Variants in NEK7 observed in about 807,000 individuals in gnomAD.
NEK7 encodes serine/threonine-protein kinase Nek7.
A neutral mutation model predicts 44.6 loss-of-function variants in NEK7; 18 were observed. The ratio of observed to expected loss-of-function variants is 0.40; its 90% CI spans 0.28 to 0.60. NEK7 has a LOEUF of 0.60. NEK7 is among the 20% of genes least tolerant of loss of function. The pLI, the probability that NEK7 is intolerant of heterozygous loss-of-function variation, is 0.38. For synonymous variants in NEK7, 130 were observed against 121.1 expected (o/e 1.07, Z -0.48); for missense variants, 256 against 366.5 (o/e 0.70, Z 2.46).
At chr1:198,198,297 A>AT in intron 1 of NEK7, 2 of 450,864 alleles carry the variant, frequency 4.4e-6, no homozygotes, top group Admixed American at 3.8e-5. Flanking sequence ...CTAGGTGAAA[A>AT]TGTAGGACAT....
intron 5 of NEK7, among the ~76,000 whole-genome samples, chr1:198,276,691 A>C (rs1297682726): frequency 1.3e-5 from 2 of 151,712 alleles, no homozygotes; most frequent in African/African-American, 2.4e-5. Flanking sequence ...ATTGCTAATA[A>C]ATTTATTTCT....
intron 2 of NEK7, among the ~76,000 whole-genome samples, chr1:198,252,243 T>G (rs1653034116): frequency 6.6e-6 from 1 of 152,014 alleles, no homozygotes; most frequent in African/African-American, 2.4e-5. Context: ...TGAGAGACAG[T>G]TTGTTATAAT....
chr1:198,282,006 C>T (rs1654214852), intron 7 of NEK7, among the ~76,000 whole-genome samples: 1 of 152,016 alleles, frequency 6.6e-6, no homozygotes, highest in Non-Finnish European at 1.5e-5. Context: ...TCTGATATTG[C>T]TGCATGTTCA....
intron 7 of NEK7, among the ~76,000 whole-genome samples, chr1:198,289,894 A>T (rs1236685393): frequency 6.6e-6 from 1 of 152,160 alleles, no homozygotes; most frequent in East Asian, 1.9e-4. Context: ...ACCATATAAA[A>T]CTTTTCTCAT....
At chr1:198,290,815 G>A (rs1478835700) in intron 7 of NEK7, among the ~76,000 whole-genome samples, 2 of 152,100 alleles carry the variant, frequency 1.3e-5, no homozygotes, top group African/African-American at 4.8e-5. Context: ...AAAGAGGCTT[G>A]TTATTTATAT....
chr1:198,166,425 C>T (rs1372493067), intron 1 of NEK7, among the ~76,000 whole-genome samples: 2 of 152,234 alleles, frequency 1.3e-5, no homozygotes, highest in Admixed American at 6.5e-5. Flanking sequence ...TTCTGAGCTA[C>T]TAGCTTCTGA....
intron 1 of NEK7, among the ~76,000 whole-genome samples, chr1:198,225,158 C>T (rs1333529341): frequency 6.7e-6 from 1 of 149,804 alleles, no homozygotes; most frequent in African/African-American, 2.5e-5. Context: ...GCCTGGACCA[C>T]ATAGTGAGAC....
At chr1:198,317,917 G>C in intron 9 of NEK7, among the ~76,000 whole-genome samples, 1 of 84,400 alleles carries the variant, frequency 1.2e-5, no homozygotes, top group African/African-American at 4.4e-5. Flanking sequence ...CTGGTAAAAT[G>C]CCAGTCTCTT....
chr1:198,197,448 A>G (rs760445835), intron 1 of NEK7, among the ~76,000 whole-genome samples: 3 of 152,264 alleles, frequency 2.0e-5, no homozygotes, highest in Non-Finnish European at 4.4e-5. Flanking sequence ...TCGAAGTGCA[A>G]CAAACAAATA....
In NEK7 at chr1:198,215,765, T is replaced by A. The variant is rs1665900651; in HGVS notation, c.-28-16788T>A. On this transcript the variant is annotated intron_variant, in intron 1 of 9. Coordinates refer to ENST00000367385, the MANE Select transcript of NEK7 (RefSeq NM_133494.3). Reference sequence around the variant, plus strand: ...AAGCGAGCAGGAATAGTTATTCTTATATCAGATAAAACTGTCTTTAAAGCA... The same window carrying A: ...AAGCGAGCAGGAATAGTTATTCTTAAATCAGATAAAACTGTCTTTAAAGCA... Among the ~76,000 whole-genome samples, 3 of 151,812 alleles carry A rather than the reference T, an allele frequency of 2.0e-5. No individual in the cohort carries two copies. The South Asian group carries it at 6.2e-4, about 32-fold the overall frequency.
intron 1 of NEK7, among the ~76,000 whole-genome samples, chr1:198,171,241 C>G (rs892678161): frequency 2.0e-5 from 3 of 151,942 alleles, no homozygotes; most frequent in Non-Finnish European, 2.9e-5. Flanking sequence ...TTTTTCCCTT[C>G]AGATTTAAAA....
intron 8 of NEK7, among the ~76,000 whole-genome samples, chr1:198,295,806 C>CTATTAT (rs35583566): frequency 0.016 from 2,359 of 146,414 alleles, 34 homozygotes; most frequent in Non-Finnish European, 0.022. Context: ...ACAAAAACCA[C>CTATTAT]TATTATTATT....
chr1:198,207,227 A>T (rs1453950750), intron 1 of NEK7: 1 of 152,160 alleles, frequency 6.6e-6, no homozygotes, highest in Non-Finnish European at 1.5e-5. Flanking sequence ...CAAAGAAGGT[A>T]TGTGATAACT....
chr1:198,281,113 C>T (rs1363448143), intron 7 of NEK7, among the ~76,000 whole-genome samples: 1 of 151,816 alleles, frequency 6.6e-6, no homozygotes, highest in Non-Finnish European at 1.5e-5. Flanking sequence ...CTTTGGACTC[C>T]ATAAAAATCC....
At chr1:198,224,740 A>G (rs576749176) in intron 1 of NEK7, among the ~76,000 whole-genome samples, 2 of 152,064 alleles carry the variant, frequency 1.3e-5, no homozygotes, top group East Asian at 3.9e-4. Flanking sequence ...CAAAATGGAG[A>G]TGGAGAATAT....
intron 9 of NEK7, among the ~76,000 whole-genome samples, chr1:198,311,937 A>T (rs1244996826): frequency 6.6e-6 from 1 of 152,146 alleles, no homozygotes; most frequent in Non-Finnish European, 1.5e-5. Flanking sequence ...TGGTATCAGG[A>T]TGATGCTGGC....
At chr1:198,259,805 A>C (rs958014333) in intron 3 of NEK7, among the ~76,000 whole-genome samples, 1 of 146,858 alleles carries the variant, frequency 6.8e-6, no homozygotes, top group Non-Finnish European at 1.5e-5. Context: ...GATTTTACAC[A>C]CACACTCACA....
intron 3 of NEK7, among the ~76,000 whole-genome samples, chr1:198,255,990 T>G (rs1653250516): frequency 6.6e-6 from 1 of 152,146 alleles, no homozygotes; most frequent in East Asian, 1.9e-4. Context: ...TGACCAATGC[T>G]TTTCCTTTTT....
At chr1:198,195,339 C>G (rs550748394) in intron 1 of NEK7, among the ~76,000 whole-genome samples, 1 of 152,180 alleles carries the variant, frequency 6.6e-6, no homozygotes, top group African/African-American at 2.4e-5. Flanking sequence ...CTTGACTCTC[C>G]ACAAGAGTAT....
Sources: gnomAD v4.1 joint callset for allele counts (sites outside exome capture counted in the v4.1 genomes callset) on GRCh38, gnomAD v4.1.1 for gene constraint, MANE v1.5 for transcripts, NCBI Gene and HGNC (gene_info 2026-07-23, HGNC 2026-07-21) for gene names.